Variants in GALNTL6 observed in about 807,000 individuals in gnomAD.
The protein encoded by GALNTL6 is polypeptide N-acetylgalactosaminyltransferase-like 6.
A neutral mutation model predicts 73.7 loss-of-function variants in GALNTL6; 46 were observed. The observed-to-expected ratio is 0.62, with a 90% CI of 0.49 to 0.80. The LOEUF is 0.80. Among genes scored for constraint, GALNTL6 ranks in the 30% least tolerant of loss-of-function variants. The pLI is 0.00. For missense variants in GALNTL6, 604 were observed against 755.0 expected, an observed-to-expected ratio of 0.80 and a Z score of 2.34; for synonymous variants, 259 against 263.7, an observed-to-expected ratio of 0.98 and a Z score of 0.17.
At chr4:171,903,725 T>A (rs1439771094) in intron 2 of GALNTL6, among the ~76,000 whole-genome samples, 2 of 151,906 alleles carry the variant, frequency 1.3e-5, no homozygotes, top group East Asian at 3.9e-4. Context: ...CAGTAACTTC[T>A]GCAGACTTAA....
At chr4:172,371,585 CTT>C (rs1742810884) in intron 5 of GALNTL6, among the ~76,000 whole-genome samples, 1 of 152,020 alleles carries the variant, frequency 6.6e-6, no homozygotes, top group South Asian at 2.1e-4. Context: ...CTGACTCCCT[CTT>C]TGTCTCTTCC....
intron 5 of GALNTL6, among the ~76,000 whole-genome samples, chr4:172,582,051 ATTT>A (rs1218957984): frequency 6.6e-6 from 1 of 152,104 alleles, no homozygotes; most frequent in Non-Finnish European, 1.5e-5. Context: ...GTTTGGTAAC[ATTT>A]TTCTTAGAAC....
chr4:172,188,064 A>G (rs759914519), intron 2 of GALNTL6, among the ~76,000 whole-genome samples: 1 of 152,232 alleles, frequency 6.6e-6, no homozygotes, highest in South Asian at 2.1e-4. Flanking sequence ...TTTCTACATA[A>G]TCATTGAGAT....
At chr4:172,366,225 A>G (rs1295048727) in intron 5 of GALNTL6, among the ~76,000 whole-genome samples, 2 of 152,204 alleles carry the variant, frequency 1.3e-5, no homozygotes, top group African/African-American at 2.4e-5. Flanking sequence ...AAAACAGTTC[A>G]TTAGTTAAAT....
At chr4:172,855,910 T>A (rs1361174612) in intron 7 of GALNTL6, among the ~76,000 whole-genome samples, 1 of 152,154 alleles carries the variant, frequency 6.6e-6, no homozygotes, top group Non-Finnish European at 1.5e-5. Context: ...TGTGGTGCAA[T>A]CGACATAGGT....
chr4:172,812,775 G>C (rs951590180), intron 6 of GALNTL6, among the ~76,000 whole-genome samples: 7 of 152,116 alleles, frequency 4.6e-5, no homozygotes, highest in African/African-American at 1.7e-4. Context: ...TACCTTTCTC[G>C]TACATAAATT....
At chr4:172,653,088 G>T (rs2111156710) in intron 5 of GALNTL6, among the ~76,000 whole-genome samples, 1 of 151,796 alleles carries the variant, frequency 6.6e-6, no homozygotes, top group South Asian at 2.1e-4. Flanking sequence ...CAGATCCAGT[G>T]GCTTTCTCTC....
intron 2 of GALNTL6, among the ~76,000 whole-genome samples, chr4:172,116,776 G>A (rs1238945892): frequency 6.6e-6 from 1 of 152,040 alleles, no homozygotes; most frequent in Admixed American, 6.6e-5. Flanking sequence ...TCTAAATAAA[G>A]TTAAAAGTGA....
intron 5 of GALNTL6, among the ~76,000 whole-genome samples, chr4:172,766,875 A>T (rs1324389618): frequency 6.6e-6 from 1 of 152,190 alleles, no homozygotes; most frequent in African/African-American, 2.4e-5. Flanking sequence ...GCAACAAGAG[A>T]ACATATTTGG....
chr4:172,158,267 C>T (rs1734345553), intron 2 of GALNTL6, among the ~76,000 whole-genome samples: 1 of 152,042 alleles, frequency 6.6e-6, no homozygotes, highest in Admixed American at 6.6e-5. Context: ...ATTTATGTGT[C>T]ATGAAATTTT....
chr4:171,980,653 G>T (rs565339673), intron 2 of GALNTL6, among the ~76,000 whole-genome samples: 7 of 152,304 alleles, frequency 4.6e-5, no homozygotes, highest in Admixed American at 3.3e-4. Flanking sequence ...CACACAATCG[G>T]AAGCAGTGTT....
chr4:172,282,090 A>G (rs1739080212), intron 3 of GALNTL6, among the ~76,000 whole-genome samples: 1 of 152,242 alleles, frequency 6.6e-6, no homozygotes, highest in Admixed American at 6.5e-5. Flanking sequence ...CTGTTCATCA[A>G]AATGTATTGA....
chr4:172,053,303 A>G (rs967663681), intron 2 of GALNTL6, among the ~76,000 whole-genome samples: 2 of 152,136 alleles, frequency 1.3e-5, no homozygotes, highest in Non-Finnish European at 2.9e-5. Context: ...ACAATAATAC[A>G]GGGGATCAAC....
chr4:172,709,819 GA>G (rs1394399063), intron 5 of GALNTL6, among the ~76,000 whole-genome samples: 1 of 151,970 alleles, frequency 6.6e-6, no homozygotes, highest in Non-Finnish European at 1.5e-5. Flanking sequence ...AGTCAACCAA[GA>G]AATCATAAAG....
At chr4:172,553,977 A>G (rs567936092) in intron 5 of GALNTL6, among the ~76,000 whole-genome samples, 10 of 152,118 alleles carry the variant, frequency 6.6e-5, no homozygotes, top group African/African-American at 2.4e-4. Flanking sequence ...TACAGTGACT[A>G]TGATTGGATC....
At chr4:172,898,725 A>AAAC (rs1222554588) in intron 8 of GALNTL6, among the ~76,000 whole-genome samples, 1 of 152,274 alleles carries the variant, frequency 6.6e-6, no homozygotes, top group African/African-American at 2.4e-5. Flanking sequence ...TGATTTTATT[A>AAAC]AACTGTAACA....
At chr4:173,014,485 A>G (rs1009205350) in intron 11 of GALNTL6, among the ~76,000 whole-genome samples, 6 of 152,178 alleles carry the variant, frequency 3.9e-5, no homozygotes, top group Non-Finnish European at 8.8e-5. Context: ...GGAAGCAAAC[A>G]CTGGCTCCCT....
chr4:172,817,585 C>G (rs1741679253), intron 7 of GALNTL6, among the ~76,000 whole-genome samples: 1 of 152,100 alleles, frequency 6.6e-6, no homozygotes, highest in Non-Finnish European at 1.5e-5. Flanking sequence ...ACTGGTCCAT[C>G]TTGAATTCAG....
At chr4:171,954,970 C>A (rs536409026) in intron 2 of GALNTL6, among the ~76,000 whole-genome samples, 2 of 152,280 alleles carry the variant, frequency 1.3e-5, no homozygotes, top group South Asian at 4.1e-4. Flanking sequence ...GTAAAGCCTG[C>A]TGAACTGTGA....
Sources: allele counts gnomAD v4.1 joint callset (sites outside exome capture counted in the v4.1 genomes callset), GRCh38; gene constraint gnomAD v4.1.1; transcripts MANE v1.5; gene names NCBI Gene and HGNC (gene_info 2026-07-23, HGNC 2026-07-21).